Variants in ELF2 observed in about 807,000 individuals in gnomAD.
The protein encoded by ELF2 is ETS-related transcription factor Elf-2.
Under a neutral mutation model 54.8 loss-of-function variants are expected in ELF2, and 11 were observed. The ratio of observed to expected loss-of-function variants is 0.20; its 90% CI spans 0.13 to 0.33. The LOEUF is 0.33. Ranked by LOEUF, ELF2 falls within the 10% of genes least tolerant of loss-of-function variation. ELF2 has a pLI of 1.00. For missense variants in ELF2, 513 were observed against 703.0 expected, an observed-to-expected ratio of 0.73 and a Z score of 3.06; for synonymous variants, 203 against 245.1, an observed-to-expected ratio of 0.83 and a Z score of 1.61.
chr4:139,168,431 C>T (rs1037281615), intron 1 of ELF2, among the ~76,000 whole-genome samples: 3 of 152,188 alleles, frequency 2.0e-5, no homozygotes, highest in Non-Finnish European at 4.4e-5. Context: ...ACTGACCCAA[C>T]AGAATTATAC....
chr4:139,062,174 C>CTT (rs201805316), intron 7 of ELF2, 117 bp from the exon 8 acceptor site: 11,762 of 883,190 alleles, frequency 0.013, 1 homozygote, highest in South Asian at 0.026. Context: ...CTTGTTTCTA[C>CTT]TTTTTTTTTT....
chr4:139,061,174 A>G (rs1370039088), intron 8 of ELF2, among the ~76,000 whole-genome samples: 2 of 147,654 alleles, frequency 1.4e-5, no homozygotes, highest in South Asian at 2.1e-4. Context: ...TATCAAACTG[A>G]TAATTTTTTT....
chr4:139,103,396 A>G (rs1578803491), intron 4 of ELF2, among the ~76,000 whole-genome samples: 2 of 152,300 alleles, frequency 1.3e-5, no homozygotes, highest in African/African-American at 2.4e-5. Flanking sequence ...CCCACTCCCA[A>G]CCTCTGGGCC....
intron 4 of ELF2, chr4:139,084,003 A>C: frequency 6.8e-7 from 1 of 1,467,326 alleles, no homozygotes; most frequent in Non-Finnish European, 9.2e-7. Flanking sequence ...CCTTTCCCCC[A>C]GCCGCCCCAG....
At chr4:139,116,305 A>T (rs1478546048) in intron 4 of ELF2, among the ~76,000 whole-genome samples, 1 of 152,188 alleles carries the variant, frequency 6.6e-6, no homozygotes, top group African/African-American at 2.4e-5. Flanking sequence ...GGGGGAAAAA[A>T]ACACTTATTA....
At chr4:139,072,643 TG>T (rs1729679294) in intron 5 of ELF2, among the ~76,000 whole-genome samples, 1 of 152,246 alleles carries the variant, frequency 6.6e-6, no homozygotes, top group Non-Finnish European at 1.5e-5. Context: ...AATTGTTATC[TG>T]GTATTCTAGT....
intron 1 of ELF2, among the ~76,000 whole-genome samples, chr4:139,147,048 G>A (rs1050586040): frequency 6.6e-6 from 1 of 152,040 alleles, no homozygotes; most frequent in Non-Finnish European, 1.5e-5. Flanking sequence ...AAACTAAAAG[G>A]CTTCTGTACA....
At chr4:139,110,032 A>T (rs1210652379) in intron 4 of ELF2, among the ~76,000 whole-genome samples, 1 of 152,210 alleles carries the variant, frequency 6.6e-6, no homozygotes, top group Non-Finnish European at 1.5e-5. Context: ...TTAATATTGT[A>T]TATTAGAAAT....
At chr4:139,112,225 G>T (rs1308673176) in intron 4 of ELF2, among the ~76,000 whole-genome samples, 1 of 151,998 alleles carries the variant, frequency 6.6e-6, no homozygotes, top group African/African-American at 2.4e-5. Flanking sequence ...TCTTCCTCCA[G>T]ACTTTCAACC....
rs1180871549 is a variant in ELF2, at chr4:139,073,572, A to G, written c.239-5T>C. 2 of 1,504,326 alleles carry G rather than the reference A, an allele frequency of 1.3e-6. No individual in the cohort carries two copies. Among genetic ancestry groups the G allele is most frequent in the South Asian group, 1.4e-5 (1 of 74,056 alleles). 93.2% of individuals were successfully genotyped at this position (1,504,326 alleles called of 1,614,324 possible). On this transcript the variant is annotated splice_region_variant and splice_polypyrimidine_tract_variant and intron_variant, in intron 4 of 9. Coordinates refer to ENST00000686138, the MANE Select transcript of ELF2 (RefSeq NM_001331036.3). Reference sequence around the variant, plus strand: ...TGCTGTGAACTGATGCTTCCACTGGAGGAAAAATAAGTTCTACTCAATTAA... The same window carrying G: ...TGCTGTGAACTGATGCTTCCACTGGGGGAAAAATAAGTTCTACTCAATTAA...
At chr4:139,108,493 GA>G (rs1476625015) in intron 4 of ELF2, among the ~76,000 whole-genome samples, 6 of 151,994 alleles carry the variant, frequency 3.9e-5, no homozygotes, top group African/African-American at 1.5e-4. Flanking sequence ...CTCTAGAACA[GA>G]AACAGTCCCA....
chr4:139,148,711 G>A (rs996112928), intron 1 of ELF2, among the ~76,000 whole-genome samples: 2 of 150,812 alleles, frequency 1.3e-5, no homozygotes, highest in Admixed American at 6.6e-5. Flanking sequence ...CAAGACATAT[G>A]TTCTATATGA....
chr4:139,153,356 G>A (rs1485451368), intron 1 of ELF2, among the ~76,000 whole-genome samples: 2 of 152,024 alleles, frequency 1.3e-5, no homozygotes, highest in African/African-American at 4.8e-5. Context: ...GATCGCTTGA[G>A]CCTGGGAGGC....
At chr4:139,171,797 G>A (rs776962202) in intron 1 of ELF2, among the ~76,000 whole-genome samples, 4 of 151,962 alleles carry the variant, frequency 2.6e-5, no homozygotes, top group South Asian at 2.1e-4. Context: ...AGTTGTGCTC[G>A]GCTGTAATCC....
intron 4 of ELF2, among the ~76,000 whole-genome samples, chr4:139,106,049 A>G (rs7674216): frequency 8.9e-4 from 136 of 152,322 alleles, no homozygotes; most frequent in African/African-American, 3.2e-3. Flanking sequence ...ATTCTTATGT[A>G]TGCTTAAGTT....
chr4:139,165,570 G>A (rs1193759564), intron 1 of ELF2, among the ~76,000 whole-genome samples: 1 of 152,172 alleles, frequency 6.6e-6, no homozygotes, highest in Non-Finnish European at 1.5e-5. Context: ...GGCTGAGGCA[G>A]GAGAACCACT....
chr4:139,152,598 T>C (rs2148887686), intron 1 of ELF2, among the ~76,000 whole-genome samples: 2 of 152,260 alleles, frequency 1.3e-5, no homozygotes, highest in South Asian at 4.1e-4. Flanking sequence ...GCCAAAGTGC[T>C]GGGATTACAG....
chr4:139,149,541 G>A (rs1739633630), intron 1 of ELF2, among the ~76,000 whole-genome samples: 1 of 152,176 alleles, frequency 6.6e-6, no homozygotes, highest in African/African-American at 2.4e-5. Context: ...TTGAATCCAG[G>A]AGGCAGAGGT....
intron 6 of ELF2, 134 bp from the exon 7 acceptor site, chr4:139,067,904 C>T (rs1728950602): frequency 1.2e-6 from 1 of 828,564 alleles, no homozygotes; most frequent in South Asian, 2.3e-5. Flanking sequence ...CTATGAAAAG[C>T]TGCTTCTAAA....
Sources: gnomAD v4.1 joint callset for allele counts (sites outside exome capture counted in the v4.1 genomes callset) on GRCh38, gnomAD v4.1.1 for gene constraint, MANE v1.5 for transcripts, NCBI Gene and HGNC (gene_info 2026-07-23, HGNC 2026-07-21) for gene names.